Variants in GUCY1A1 observed in about 807,000 individuals in gnomAD.
The protein encoded by GUCY1A1 is guanylate cyclase 1 soluble subunit alpha 1.
In GUCY1A1, 48 loss-of-function variants were observed where a neutral mutation model predicts 64.5. The observed-to-expected ratio is 0.74, with a 90% CI of 0.59 to 0.95. GUCY1A1 has a LOEUF of 0.95. GUCY1A1 is among the 40% of genes least tolerant of loss of function. GUCY1A1 has a pLI of 0.00. For synonymous variants in GUCY1A1, 308 were observed against 303.4 expected, an observed-to-expected ratio of 1.02 and a Z score of -0.16; for missense variants, 804 against 825.3, an observed-to-expected ratio of 0.97 and a Z score of 0.32.
rs953040479 is a variant in GUCY1A1 at position 155,733,047 on chromosome 4, C to G, written c.*2816C>G. On this transcript the variant is annotated 3_prime_UTR_variant, in exon 10 of 10. Transcript: ENST00000506455. ...TCGATCTAGACTTTGTAGGAAAATG[C>G]AAAGCGTATATTTAAGAAAACCTAA... Among the ~76,000 whole-genome samples, 2 of 151,684 alleles carry G rather than the reference C, an allele frequency of 1.3e-5. No individual in the cohort carries two copies. Among genetic ancestry groups the G allele is most frequent in the Non-Finnish European group, 2.9e-5 (2 of 67,842 alleles).
intron 3 of GUCY1A1, among the ~76,000 whole-genome samples, chr4:155,702,974 T>C (rs981015569): frequency 1.3e-5 from 2 of 150,276 alleles, no homozygotes; most frequent in Non-Finnish European, 1.5e-5. Flanking sequence ...ATATAATATA[T>C]AGTTTTATAT....
chr4:155,669,969 T>C (rs1392368529), intron 2 of GUCY1A1, among the ~76,000 whole-genome samples: 2 of 152,130 alleles, frequency 1.3e-5, no homozygotes, highest in African/African-American at 4.8e-5. Flanking sequence ...AACATCAAAT[T>C]AGCCATCAGA....
chr4:155,733,217 C>T lies in GUCY1A1; in HGVS notation c.*2986C>T, dbSNP rs1483030. 0.18 allele frequency among the ~76,000 whole-genome samples: 27,344 copies of T among 151,552 alleles called. 2,586 individuals carry two copies. Among genetic ancestry groups the T allele is most frequent in the Middle Eastern group, 0.24 (72 of 294 alleles). ...TCTATCAAGAAAGGAAAGTGAAAGA[C>T]AAATGTAAGACATAATTACAACATT... On this transcript the variant is annotated 3_prime_UTR_variant, in exon 10 of 10. Transcript: ENST00000506455.
chr4:155,728,715 G>A (rs949624419), intron 9 of GUCY1A1, among the ~76,000 whole-genome samples: 4 of 151,760 alleles, frequency 2.6e-5, no homozygotes, highest in South Asian at 2.1e-4. Context: ...AATATGATAG[G>A]TGTGGTGTGA....
intron 2 of GUCY1A1, among the ~76,000 whole-genome samples, chr4:155,685,026 G>T (rs543873364): frequency 6.6e-6 from 1 of 152,258 alleles, no homozygotes; most frequent in South Asian, 2.1e-4. Context: ...TATGTCAAAA[G>T]CTCCTGGTTT....
chr4:155,678,848 C>T (rs1357386284), intron 2 of GUCY1A1, among the ~76,000 whole-genome samples: 2 of 152,210 alleles, frequency 1.3e-5, no homozygotes, highest in Admixed American at 6.5e-5. Context: ...TAACTCTTGA[C>T]ATTGCTGAAC....
intron 4 of GUCY1A1, among the ~76,000 whole-genome samples, chr4:155,706,500 G>A (rs1028336428): frequency 6.6e-6 from 1 of 151,616 alleles, no homozygotes; most frequent in Non-Finnish European, 1.5e-5. Context: ...CTTGAATGAA[G>A]GACTAGAGCT....
Position 155,733,053 on chromosome 4 carries a change from G to A in GUCY1A1, c.*2822G>A, listed in dbSNP as rs944609466. On this transcript the variant is annotated 3_prime_UTR_variant, in exon 10 of 10. Coordinates refer to ENST00000506455, the MANE Select transcript of GUCY1A1 (RefSeq NM_001130682.3). The stretch of plus-strand genomic sequence containing the variant: ...TAGACTTTGTAGGAAAATGCAAAGC[G>A]TATATTTAAGAAAACCTAAATAAGA... Among the ~76,000 whole-genome samples the A allele has an allele frequency of 1.3e-5, 2 of 151,670 alleles. No homozygotes were observed. The highest frequency in any genetic ancestry group is 2.1e-4 in the South Asian group (1 of 4,814).
chr4:155,723,349 C>A (rs966378955), intron 9 of GUCY1A1, among the ~76,000 whole-genome samples: 1 of 152,124 alleles, frequency 6.6e-6, no homozygotes, highest in Non-Finnish European at 1.5e-5. Flanking sequence ...ATCAGAAGAA[C>A]CTTTATTTTC....
At chr4:155,721,257 C>T (rs1025356559) in intron 8 of GUCY1A1, among the ~76,000 whole-genome samples, 2 of 152,104 alleles carry the variant, frequency 1.3e-5, no homozygotes, top group Admixed American at 1.3e-4. Flanking sequence ...GAGCAAGACT[C>T]TGTCTCTAAA....
chr4:155,703,925 C>A lies in GUCY1A1; in HGVS notation c.256-7C>A. 1.3e-6 allele frequency: 2 copies of A among 1,579,538 alleles called. No individual in the cohort carries two copies. Among genetic ancestry groups the A allele is most frequent in the Non-Finnish European group, 1.7e-6 (2 of 1,154,990 alleles). On this transcript the variant is annotated splice_region_variant and splice_polypyrimidine_tract_variant and intron_variant, in intron 3 of 9. Coordinates refer to ENST00000506455, the MANE Select transcript of GUCY1A1 (RefSeq NM_001130682.3). ...GAATGTTTAAAACATTTCTTTTGAA[C>A]TTTCAGTTTGAACGGCTGAATGTTG...
intron 6 of GUCY1A1, among the ~76,000 whole-genome samples, chr4:155,711,854 T>C (rs1020977559): frequency 6.6e-6 from 1 of 152,174 alleles, no homozygotes; most frequent in African/African-American, 2.4e-5. Context: ...GCACCATTTG[T>C]TCCCCAAAAG....
At chr4:155,669,161 T>C (rs540929681) in intron 2 of GUCY1A1, among the ~76,000 whole-genome samples, 29 of 152,302 alleles carry the variant, frequency 1.9e-4, no homozygotes, top group African/African-American at 7.0e-4. Context: ...ACCAGATGTA[T>C]GTATTTTAAT....
At chr4:155,685,617 T>TG (rs1448148992) in intron 2 of GUCY1A1, among the ~76,000 whole-genome samples, 1 of 150,434 alleles carries the variant, frequency 6.6e-6, no homozygotes, top group African/African-American at 2.4e-5. Flanking sequence ...TTTTTTTTTT[T>TG]TTTTTTTTTT....
At chr4:155,690,360 G>A (rs1729571198) in intron 2 of GUCY1A1, among the ~76,000 whole-genome samples, 1 of 151,996 alleles carries the variant, frequency 6.6e-6, no homozygotes, top group African/African-American at 2.4e-5. Context: ...CCAGGGTCCT[G>A]TTTTTGCCCA....
intron 2 of GUCY1A1, among the ~76,000 whole-genome samples, chr4:155,678,280 A>G (rs1468248575): frequency 1.3e-5 from 2 of 152,210 alleles, no homozygotes; most frequent in African/African-American, 4.8e-5. Flanking sequence ...TATTGTTATG[A>G]AAATAGTTCT....
intron 4 of GUCY1A1, among the ~76,000 whole-genome samples, chr4:155,707,059 A>G (rs1731877767): frequency 6.6e-6 from 1 of 152,246 alleles, no homozygotes; most frequent in Non-Finnish European, 1.5e-5. Flanking sequence ...TGAGAGATAA[A>G]CACAGCCTTA....
intron 2 of GUCY1A1, among the ~76,000 whole-genome samples, chr4:155,688,085 T>A (rs916602386): frequency 2.0e-4 from 31 of 151,618 alleles, no homozygotes; most frequent in African/African-American, 6.8e-4. Flanking sequence ...AAAATTAGCC[T>A]GGCGTGGTGG....
In GUCY1A1 at chr4:155,735,796, G is replaced by C. The variant is rs984857950; in HGVS notation, c.*5565G>C. On this transcript the variant is annotated 3_prime_UTR_variant, in exon 10 of 10. Coordinates refer to ENST00000506455, the MANE Select transcript of GUCY1A1 (RefSeq NM_001130682.3). ...GAAGTTGGACAGCCCAATGTGTTAAGTATTATACACCTGGAACAAGAGCAG... is the reference window on the plus strand; with the variant it reads ...GAAGTTGGACAGCCCAATGTGTTAACTATTATACACCTGGAACAAGAGCAG... 2.6e-5 allele frequency: 4 copies of C among 152,044 alleles called. No individual in the cohort carries two copies. In the East Asian group the frequency reaches 7.8e-4, roughly 30 times the overall value. The allele number at this position is 152,044 out of a possible 1,614,324, so 9.4% of individuals were successfully genotyped here.
Sources: allele counts gnomAD v4.1 joint callset (sites outside exome capture counted in the v4.1 genomes callset), GRCh38; gene constraint gnomAD v4.1.1; transcripts MANE v1.5; gene names NCBI Gene and HGNC (gene_info 2026-07-23, HGNC 2026-07-21).